FHIT: variants seen among roughly 807,000 people sequenced by gnomAD.
The protein encoded by FHIT is bis(5'-adenosyl)-triphosphatase.
Under a neutral mutation model 17.9 loss-of-function variants are expected in FHIT, and 19 were observed. That is an observed-to-expected ratio of 1.06 (90% CI 0.74 to 1.56). The LOEUF is 1.56. Ranked by LOEUF, FHIT falls within the 40% of genes most tolerant of loss-of-function variation. The pLI is 0.00. For synonymous variants in FHIT, 81 were observed against 69.7 expected (o/e 1.16, Z -0.81); for missense variants, 248 against 189.2 (o/e 1.31, Z -1.82).
intron 5 of FHIT, among the ~76,000 whole-genome samples, chr3:60,318,344 A>G (rs1415642043): frequency 2.0e-5 from 3 of 152,192 alleles, no homozygotes. Context: ...TTGTGAAAGA[A>G]ACAACACTGA....
intron 3 of FHIT, among the ~76,000 whole-genome samples, chr3:61,031,550 A>T (rs1270142818): frequency 6.6e-6 from 1 of 152,172 alleles, no homozygotes; most frequent in Non-Finnish European, 1.5e-5. Context: ...GAATTCATCT[A>T]CTCTAACATC....
intron 3 of FHIT, among the ~76,000 whole-genome samples, chr3:60,848,214 G>T (rs1553747174): frequency 6.6e-6 from 1 of 152,032 alleles, no homozygotes; most frequent in Admixed American, 6.6e-5. Flanking sequence ...CCTTTAAGTT[G>T]AAACTCTTTT....
rs781597386 is a variant in FHIT at position 60,011,400 on chromosome 3, C to G, written c.250G>C (p.Asp84His). 1 of 1,613,424 alleles carries G rather than the reference C, an allele frequency of 6.2e-7. No homozygotes were observed. The highest frequency in any genetic ancestry group is 1.6e-4 in the Middle Eastern group (1 of 6,062). Reference sequence around the variant, plus strand: ...ACAGTCTGTCCGGCTTCGGGGCCATCCTAGAAGTAGGAAAAAACCAACAGA... The same window carrying G: ...ACAGTCTGTCCGGCTTCGGGGCCATGCTAGAAGTAGGAAAAAACCAACAGA... ...HGTSLTFSMQ[D>H]GPEAGQTVKH... Residue 84 changes from aspartate to histidine, a missense_variant and splice_region_variant, in exon 7 of 10, where the codon GAT becomes CAT. Physicochemically the swap from Asp to His is moderately conservative, Grantham distance 81 (BLOSUM62 -1). Transcript: ENST00000492590.
At chr3:59,916,937 A>T (rs919830945) in intron 8 of FHIT, among the ~76,000 whole-genome samples, 7 of 152,236 alleles carry the variant, frequency 4.6e-5, no homozygotes, top group Non-Finnish European at 1.0e-4. Context: ...CAGTGGGAGG[A>T]CATCAGTAAA....
intron 3 of FHIT, among the ~76,000 whole-genome samples, chr3:60,854,681 A>C (rs1284432941): frequency 1.3e-5 from 2 of 151,566 alleles, no homozygotes; most frequent in African/African-American, 2.4e-5. Flanking sequence ...GGCAAAGGGG[A>C]AAGAGGATGC....
chr3:59,841,699 G>C (rs1027346737), intron 8 of FHIT, among the ~76,000 whole-genome samples: 2 of 152,004 alleles, frequency 1.3e-5, no homozygotes, highest in Non-Finnish European at 2.9e-5. Flanking sequence ...TGACACACGG[G>C]TGTACTGATG....
intron 5 of FHIT, among the ~76,000 whole-genome samples, chr3:60,130,971 G>GTA (rs762784517): frequency 2.8e-4 from 30 of 105,820 alleles, no homozygotes; most frequent in Non-Finnish European, 4.6e-4. Context: ...CAGTAGAAAG[G>GTA]TATATATATA....
intron 9 of FHIT, 66 bp downstream of exon 9, chr3:59,752,155 T>G: frequency 8.7e-7 from 1 of 1,150,574 alleles, no homozygotes; most frequent in Non-Finnish European, 1.3e-6. Context: ...ATCCCCATTC[T>G]GAGAGTGCAG....
intron 3 of FHIT, among the ~76,000 whole-genome samples, chr3:61,030,242 T>G (rs1559923489): frequency 6.6e-6 from 1 of 152,206 alleles, no homozygotes; most frequent in Non-Finnish European, 1.5e-5. Flanking sequence ...ATTGCTGGGA[T>G]TACAGGCGTG....
At chr3:60,504,920 CCTT>C (rs1337192302) in intron 5 of FHIT, among the ~76,000 whole-genome samples, 6 of 152,126 alleles carry the variant, frequency 3.9e-5, no homozygotes, top group African/African-American at 1.4e-4. Context: ...CAAATTCTGA[CCTT>C]TAAGTTCAAA....
chr3:60,387,963 C>A (rs1477557834), intron 5 of FHIT, among the ~76,000 whole-genome samples: 2 of 152,052 alleles, frequency 1.3e-5, no homozygotes, highest in African/African-American at 4.8e-5. Flanking sequence ...TTAAAAGGAG[C>A]CTGACACCTC....
At chr3:60,843,204 G>C (rs1443387424) in intron 3 of FHIT, among the ~76,000 whole-genome samples, 1 of 152,150 alleles carries the variant, frequency 6.6e-6, no homozygotes, top group Non-Finnish European at 1.5e-5. Context: ...GAGAACCACA[G>C]AGAATTCTTT....
chr3:60,812,865 T>C (rs1701615559), intron 4 of FHIT, among the ~76,000 whole-genome samples: 2 of 152,152 alleles, frequency 1.3e-5, no homozygotes, highest in Admixed American at 1.3e-4. Flanking sequence ...TTGTATGACA[T>C]TGGACAACAT....
At chr3:60,710,865 C>G (rs1173742469) in intron 4 of FHIT, among the ~76,000 whole-genome samples, 1 of 152,204 alleles carries the variant, frequency 6.6e-6, no homozygotes, top group African/African-American at 2.4e-5. Context: ...AACAAAAAGA[C>G]AGCAGTAACC....
At chr3:60,416,003 A>T (rs1184169223) in intron 5 of FHIT, among the ~76,000 whole-genome samples, 1 of 150,772 alleles carries the variant, frequency 6.6e-6, no homozygotes, top group African/African-American at 2.4e-5. Context: ...CATAGTACCT[A>T]CCACACAGTT....
chr3:60,870,874 T>A (rs1704384589), intron 3 of FHIT, among the ~76,000 whole-genome samples: 1 of 152,048 alleles, frequency 6.6e-6, no homozygotes, highest in African/African-American at 2.4e-5. Context: ...GGTAAATGAG[T>A]GTACCCCAGG....
chr3:61,197,160 T>C (rs1576192891), intron 2 of FHIT, among the ~76,000 whole-genome samples: 4 of 152,334 alleles, frequency 2.6e-5, no homozygotes, highest in Middle Eastern at 6.8e-3. Context: ...GAAATATTCA[T>C]GGCATGATAG....
At chr3:61,031,977 G>A (rs2033030038) in intron 3 of FHIT, among the ~76,000 whole-genome samples, 1 of 152,218 alleles carries the variant, frequency 6.6e-6, no homozygotes, top group Non-Finnish European at 1.5e-5. Context: ...GATGCTCATG[G>A]CCGGTGAGTG....
intron 2 of FHIT, among the ~76,000 whole-genome samples, chr3:61,043,408 C>T (rs577867796): frequency 2.5e-4 from 38 of 152,294 alleles, no homozygotes; most frequent in African/African-American, 9.1e-4. Flanking sequence ...AACTGCAAAG[C>T]AGCAGTGAGG....
Sources: gnomAD v4.1 joint callset for allele counts (sites outside exome capture counted in the v4.1 genomes callset) on GRCh38, gnomAD v4.1.1 for gene constraint, MANE v1.5 for transcripts, NCBI Gene and HGNC (gene_info 2026-07-23, HGNC 2026-07-21) for gene names.